MYH13: variants seen among roughly 807,000 people sequenced by gnomAD.
The protein encoded by MYH13 is myosin heavy chain 13.
A neutral mutation model predicts 232.1 loss-of-function variants in MYH13; 177 were observed. The observed-to-expected ratio is 0.76, with a 90% CI of 0.67 to 0.86. The LOEUF is 0.86. MYH13 is among the 40% of genes least tolerant of loss of function. The probability of loss-of-function intolerance (pLI) is 0.00; values close to 1 mark genes in which losing one functional copy is unlikely to be tolerated. For synonymous variants in MYH13, 884 were observed against 923.5 expected (o/e 0.96, Z 0.78); for missense variants, 2,246 against 2,405.9 (o/e 0.93, Z 1.39).
chr17:10,320,793 G>T (rs982160870), intron 24 of MYH13, among the ~76,000 whole-genome samples: 1 of 152,226 alleles, frequency 6.6e-6, no homozygotes, highest in African/African-American at 2.4e-5. Context: ...GTACCCATGG[G>T]TGCACACTCT....
At chr17:10,322,779 G>A (rs745535083) in intron 23 of MYH13, among the ~76,000 whole-genome samples, 42 of 151,984 alleles carry the variant, frequency 2.8e-4, no homozygotes, top group Admixed American at 6.6e-4. Flanking sequence ...GACTACAGGC[G>A]TCCGCCACCA....
intron 3 of MYH13, 106 bp from the exon 4 acceptor site, chr17:10,362,609 A>T: frequency 7.2e-7 from 1 of 1,386,600 alleles, no homozygotes; most frequent in Non-Finnish European, 1.0e-6. Flanking sequence ...GAATTACCGC[A>T]TTGTGATGGA....
chr17:10,330,539 G>A lies in MYH13; in HGVS notation c.2299-16C>T, dbSNP rs574204778. The stretch of plus-strand genomic sequence containing the variant: ...TGAAAAACACCTGCATTAAAAGACA[G>A]AGGAGCCTTGATCTTTTTCCCCAGC... On this transcript the variant is annotated splice_polypyrimidine_tract_variant and intron_variant, in intron 20 of 40. Transcript: ENST00000252172. The A allele has an allele frequency of 1.8e-5, 28 of 1,594,486 alleles. No homozygotes were observed. In the South Asian group the frequency reaches 3.2e-4, roughly 18 times the overall value.
At position 10,303,405 on chromosome 17, in the gene MYH13, TCTC is replaced by T; in HGVS notation, c.5557_5559del (p.Glu1853del). ...TTTGGGACCCCTACCTGGTAAGTCA[TCTC>T]CTTGACTTTGCGTTCGTACTTGTGG... On this transcript the variant is annotated inframe_deletion, in exon 38 of 41. Transcript: ENST00000252172. 6.2e-7 allele frequency: 1 copy of T among 1,613,782 alleles called. No individual in the cohort carries two copies. Among genetic ancestry groups the T allele is most frequent in the Non-Finnish European group, 8.5e-7 (1 of 1,179,724 alleles).
intron 11 of MYH13, 63 bp downstream of exon 11, chr17:10,354,617 T>TTA (rs2071734164): frequency 1.4e-6 from 2 of 1,442,072 alleles, no homozygotes. Context: ...CTCACTAACG[T>TTA]GTCTCTCAGT....
intron 22 of MYH13, among the ~76,000 whole-genome samples, chr17:10,326,396 G>A (rs1461871186): frequency 1.3e-5 from 2 of 152,208 alleles, no homozygotes; most frequent in African/African-American, 2.4e-5. Context: ...TATTAAAAAG[G>A]GAAAATTATA....
At position 10,355,506 on chromosome 17, in the gene MYH13, G is replaced by A. The variant is rs368156254; in HGVS notation, c.739-359C>T. On this transcript the variant is annotated intron_variant, in intron 8 of 40. Coordinates refer to ENST00000252172, the MANE Select transcript of MYH13 (RefSeq NM_003802.3). Reference sequence around the variant, plus strand: ...AATAAATGGCATGCTTACATCTGTCGCCAACAATTCTTCACTGTCATTGAT... The same window carrying A: ...AATAAATGGCATGCTTACATCTGTCACCAACAATTCTTCACTGTCATTGAT... Among the ~76,000 whole-genome samples the A allele has an allele frequency of 1.1e-4, 16 of 152,192 alleles. No individual in the cohort carries two copies. The East Asian group carries it at 1.4e-3, about 13-fold the overall frequency.
Position 10,301,036 on chromosome 17 carries a change from G to A in MYH13, c.5803-71C>T, listed in dbSNP as rs899850816. 9 of 1,385,966 alleles carry A rather than the reference G, an allele frequency of 6.5e-6. No individual in the cohort carries two copies. In the Admixed American group the frequency reaches 1.6e-4, roughly 25 times the overall value. The allele number at this position is 1,385,966 out of a possible 1,614,324, so 85.9% of individuals were successfully genotyped here. A position where few individuals can be genotyped will look rare whatever the true frequency, so the allele number is the denominator to read the frequency against. On this transcript the variant is annotated intron_variant, in intron 40 of 40. Coordinates refer to ENST00000252172, the MANE Select transcript of MYH13 (RefSeq NM_003802.3). ...ATGGGAGACTGAACATCATCTTGAA[G>A]TGAAGCAGCTGGAAAATCTGGAACT...
intron 2 of MYH13, 71 bp downstream of exon 2, chr17:10,371,138 T>G (rs965124976): frequency 3.9e-5 from 6 of 152,238 alleles, no homozygotes; most frequent in Non-Finnish European, 8.8e-5. Flanking sequence ...GTGGCAAGAA[T>G]GAGAACGTGT....
intron 26 of MYH13, 73 bp from the exon 27 acceptor site, chr17:10,319,252 G>A: frequency 6.7e-7 from 1 of 1,497,520 alleles, no homozygotes; most frequent in Non-Finnish European, 8.9e-7. Context: ...GCTGGGTGTT[G>A]AGGAATTGCG....
At chr17:10,320,548 C>CTG in intron 24 of MYH13, 52 bp from the exon 25 acceptor site, 11 of 1,571,118 alleles carry the variant, frequency 7.0e-6, no homozygotes, top group Non-Finnish European at 9.5e-6. Flanking sequence ...AAGTGTTTGC[C>CTG]CCGTTTATCC....
At chr17:10,346,865 G>A in intron 12 of MYH13, 67 bp from the exon 13 acceptor site, 1 of 1,172,260 alleles carries the variant, frequency 8.5e-7, no homozygotes, top group Non-Finnish European at 1.3e-6. Context: ...GTCAGCCCCT[G>A]GCTTCTCCCA....
intron 23 of MYH13, among the ~76,000 whole-genome samples, chr17:10,322,260 T>A (rs1048587217): frequency 7.3e-5 from 11 of 150,398 alleles, no homozygotes; most frequent in Middle Eastern, 3.5e-3. Flanking sequence ...TAGCCAGGCA[T>A]GGTGGTGGGC....
intron 2 of MYH13, among the ~76,000 whole-genome samples, chr17:10,370,621 T>C (rs1000039165): frequency 6.6e-6 from 1 of 152,172 alleles, no homozygotes; most frequent in Non-Finnish European, 1.5e-5. Flanking sequence ...TACTCTCAAC[T>C]TTCATCCCTC....
rs542059600 is a variant in MYH13 at position 10,304,462 on chromosome 17, G to A, written c.5467-964C>T. On this transcript the variant is annotated intron_variant, in intron 37 of 40. Transcript: ENST00000252172. This position sits in a 1 kb window ranked among gnomAD's most constrained non-coding sequence, Gnocchi z 5.3. ...ATGCTCCCTTTTGTGGAGCCAGGTC[G>A]TTTGGCAAGGGCAGCAAAAGCTAAC... is the stretch of plus-strand genomic sequence containing the variant. 3.9e-5 allele frequency among the ~76,000 whole-genome samples: 6 copies of A among 152,334 alleles called. No homozygotes were observed. Among genetic ancestry groups the A allele is most frequent in the Middle Eastern group, 3.4e-3 (1 of 294 alleles).
At chr17:10,333,298 C>A in intron 18 of MYH13, 107 bp from the exon 19 acceptor site, 2 of 791,968 alleles carry the variant, frequency 2.5e-6, no homozygotes, top group South Asian at 1.6e-5. Context: ...GTGGGAGAGT[C>A]AGTGAGTGGG....
intron 37 of MYH13, 68 bp from the exon 38 acceptor site, chr17:10,303,566 C>A: frequency 7.4e-7 from 1 of 1,358,904 alleles, no homozygotes; most frequent in African/African-American, 1.4e-5. Flanking sequence ...GACTCATGGG[C>A]CAATCATTCT....
intron 23 of MYH13, among the ~76,000 whole-genome samples, chr17:10,322,677 A>G (rs1597377593): frequency 1.7e-5 from 2 of 120,038 alleles, no homozygotes; most frequent in Admixed American, 1.1e-4. Context: ...TCTGTCGCCC[A>G]GGCTGGAGTG....
Position 10,320,185 on chromosome 17 carries a change from A to G in MYH13, c.3316T>C (p.Leu1106=). ...TCTTTAATCTTCTTTTGAAACTGCAAACTGTGGACTTGTTCGTCATCTATT... is the reference window on the plus strand; with the variant it reads ...TCTTTAATCTTCTTTTGAAACTGCAGACTGTGGACTTGTTCGTCATCTATT... The part of the protein sequence containing the change: ...AKIDDEQVHS[L]QFQKKIKELQ... Residue 1106 remains leucine, a synonymous_variant, in exon 26 of 41, where the codon TTG becomes CTG. Coordinates refer to ENST00000252172, the MANE Select transcript of MYH13 (RefSeq NM_003802.3). 6.2e-7 allele frequency: 1 copy of G among 1,601,642 alleles called. No individual in the cohort carries two copies. The highest frequency in any genetic ancestry group is 8.5e-7 in the Non-Finnish European group (1 of 1,173,506).
Sources: gnomAD v4.1 joint callset for allele counts (sites outside exome capture counted in the v4.1 genomes callset) on GRCh38, gnomAD v4.1.1 for gene constraint, Gnocchi (gnomAD v3.1) non-coding constraint, MANE v1.5 for transcripts, NCBI Gene and HGNC (gene_info 2026-07-23, HGNC 2026-07-21) for gene names.